Variants in ZNF521 observed in about 807,000 individuals in gnomAD.
The protein encoded by ZNF521 is zinc finger protein 521, also known as LYST-interacting protein 3.
Under a neutral mutation model 105.5 loss-of-function variants are expected in ZNF521, and 14 were observed. The observed-to-expected ratio is 0.13, with a 90% CI of 0.09 to 0.21. The LOEUF (loss-of-function observed/expected upper bound fraction) is 0.21, where lower values mean the gene tolerates loss of function less well. Ranked by LOEUF, ZNF521 falls within the 10% of genes least tolerant of loss-of-function variation. ZNF521 has a pLI of 1.00. For synonymous variants in ZNF521, 635 were observed against 606.0 expected, an observed-to-expected ratio of 1.05 and a Z score of -0.70; for missense variants, 1,233 against 1,629.7, an observed-to-expected ratio of 0.76 and a Z score of 4.19.
chr18:25,131,087 A>G (rs980990357), intron 5 of ZNF521, among the ~76,000 whole-genome samples: 3 of 152,158 alleles, frequency 2.0e-5, no homozygotes, highest in Non-Finnish European at 4.4e-5. Context: ...GCAGCCACAG[A>G]GAACCAAAGG....
At chr18:25,345,558 G>T (rs1370869953) in intron 2 of ZNF521, among the ~76,000 whole-genome samples, 1 of 152,146 alleles carries the variant, frequency 6.6e-6, no homozygotes, top group Non-Finnish European at 1.5e-5. Flanking sequence ...GGAATCTTAT[G>T]AATTTGTGTG....
intron 5 of ZNF521, among the ~76,000 whole-genome samples, chr18:25,122,245 CAG>C (rs1330602453): frequency 6.6e-6 from 1 of 151,788 alleles, no homozygotes; most frequent in African/African-American, 2.4e-5. Flanking sequence ...CAAAATGAAA[CAG>C]AGAGACAAGG....
chr18:25,248,437 T>C (rs1166767037), intron 3 of ZNF521, among the ~76,000 whole-genome samples: 1 of 152,252 alleles, frequency 6.6e-6, no homozygotes, highest in Non-Finnish European at 1.5e-5. Context: ...ATGTATATTA[T>C]GATGTTATCA....
Position 25,226,571 on chromosome 18 carries a change from G to C in ZNF521, c.1347C>G (p.Leu449=), listed in dbSNP as rs755644506. Residue 449 remains leucine (L), a synonymous_variant, in exon 4 of 8, where the codon CTC becomes CTG. Coordinates refer to ENST00000361524, the MANE Select transcript of ZNF521 (RefSeq NM_015461.3). This position sits in a 1 kb window ranked among gnomAD's most constrained non-coding sequence, Gnocchi z 4.1. ...CQYCLEVLPS[L]YNLNEHLKQV... is the part of the protein sequence containing the mutation. Reference sequence around the variant, plus strand: ...GCTTAAGATGTTCATTTAGGTTATAGAGTGAGGGCAGGACCTCCAAGCAAT... The same window carrying C: ...GCTTAAGATGTTCATTTAGGTTATACAGTGAGGGCAGGACCTCCAAGCAAT... 3 of 1,614,154 alleles carry C rather than the reference G, an allele frequency of 1.9e-6. No individual in the cohort carries two copies. The highest frequency in any genetic ancestry group is 2.5e-6 in the Non-Finnish European group (3 of 1,180,024).
intron 3 of ZNF521, among the ~76,000 whole-genome samples, chr18:25,245,373 C>T (rs1171142319): frequency 6.6e-6 from 1 of 152,162 alleles, no homozygotes; most frequent in African/African-American, 2.4e-5. Flanking sequence ...TATCGACATC[C>T]CCCACCAGAA....
chr18:25,153,660 G>A (rs1179444716), intron 5 of ZNF521, among the ~76,000 whole-genome samples: 1 of 152,164 alleles, frequency 6.6e-6, no homozygotes, highest in African/African-American at 2.4e-5. Flanking sequence ...TGTCAGGACC[G>A]AACTTCACAC....
chr18:25,157,535 G>C (rs926841196), intron 5 of ZNF521, among the ~76,000 whole-genome samples: 1 of 152,226 alleles, frequency 6.6e-6, no homozygotes, highest in African/African-American at 2.4e-5. Context: ...TAACAATTCA[G>C]TGTCCAGTGT....
intron 3 of ZNF521, among the ~76,000 whole-genome samples, chr18:25,285,735 C>T (rs1263163535): frequency 2.0e-5 from 3 of 151,552 alleles, no homozygotes; most frequent in South Asian, 4.2e-4. Flanking sequence ...CACACACGTA[C>T]GCGCCTGCGC....
intron 2 of ZNF521, among the ~76,000 whole-genome samples, chr18:25,350,355 C>T (rs897397045): frequency 6.6e-6 from 1 of 151,914 alleles, no homozygotes; most frequent in South Asian, 2.1e-4. Flanking sequence ...CTGTTTACTC[C>T]GGCGACGTGC....
chr18:25,256,772 G>T (rs1460644448), intron 3 of ZNF521, among the ~76,000 whole-genome samples: 5 of 151,810 alleles, frequency 3.3e-5, no homozygotes, highest in African/African-American at 1.2e-4. Flanking sequence ...AACAGTGTTG[G>T]GTCAGAAATA....
At chr18:25,288,985 T>A (rs1306420530) in intron 3 of ZNF521, among the ~76,000 whole-genome samples, 1 of 152,254 alleles carries the variant, frequency 6.6e-6, no homozygotes, top group Non-Finnish European at 1.5e-5. Flanking sequence ...GCATTTTTTT[T>A]AACTTTCCTT....
At chr18:25,141,896 A>C (rs892884482) in intron 5 of ZNF521, among the ~76,000 whole-genome samples, 1 of 152,144 alleles carries the variant, frequency 6.6e-6, no homozygotes, top group Non-Finnish European at 1.5e-5. Flanking sequence ...ACTTTCCAAC[A>C]TTCCATGCGC....
intron 2 of ZNF521, among the ~76,000 whole-genome samples, chr18:25,338,666 T>C (rs1476953960): frequency 1.3e-5 from 2 of 152,070 alleles, no homozygotes; most frequent in Non-Finnish European, 2.9e-5. Flanking sequence ...CCCGCCTCAG[T>C]CTCCCAAAAT....
intron 7 of ZNF521, among the ~76,000 whole-genome samples, chr18:25,078,565 G>A (rs2033419172): frequency 2.0e-5 from 3 of 152,288 alleles, no homozygotes; most frequent in South Asian, 4.1e-4. Flanking sequence ...TCACCCCGCC[G>A]CTGCAGTTCT....
intron 3 of ZNF521, among the ~76,000 whole-genome samples, chr18:25,240,813 G>A (rs1428205057): frequency 6.6e-6 from 1 of 152,010 alleles, no homozygotes; most frequent in East Asian, 1.9e-4. Flanking sequence ...AAAACCCCAT[G>A]GAAGCTGGTC....
At chr18:25,103,908 A>G (rs1236411354) in intron 5 of ZNF521, among the ~76,000 whole-genome samples, 4 of 152,088 alleles carry the variant, frequency 2.6e-5, no homozygotes, top group Non-Finnish European at 1.5e-5. Flanking sequence ...TTAGTTATGA[A>G]GTGTGATGAA....
At chr18:25,263,965 T>C (rs534425497) in intron 3 of ZNF521, among the ~76,000 whole-genome samples, 2 of 152,372 alleles carry the variant, frequency 1.3e-5, no homozygotes, top group South Asian at 2.1e-4. Context: ...ATACCTGTGA[T>C]ACTGTTAACT....
intron 3 of ZNF521, among the ~76,000 whole-genome samples, chr18:25,272,190 T>C (rs1438984437): frequency 2.0e-5 from 3 of 152,082 alleles, no homozygotes; most frequent in East Asian, 1.9e-4. Flanking sequence ...TTAAGAGAAA[T>C]ACAAATCAAA....
intron 4 of ZNF521, among the ~76,000 whole-genome samples, chr18:25,210,496 G>A (rs550703031): frequency 6.6e-6 from 1 of 152,058 alleles, no homozygotes. Flanking sequence ...CCTTGATATG[G>A]GGATTTTTAT....
Sources: gnomAD v4.1 joint callset for allele counts (sites outside exome capture counted in the v4.1 genomes callset) on GRCh38, gnomAD v4.1.1 for gene constraint, Gnocchi (gnomAD v3.1) non-coding constraint, MANE v1.5 for transcripts, NCBI Gene and HGNC (gene_info 2026-07-23, HGNC 2026-07-21) for gene names.